The following DNAH17 variants were observed in gnomAD, a reference collection of about 807,000 sequenced individuals.
DNAH17 encodes dynein axonemal heavy chain 17.
DNAH17 carries 376 observed loss-of-function variants against 485.6 expected under a neutral mutation model. That is an observed-to-expected ratio of 0.77 (90% confidence interval 0.71 to 0.84). The LOEUF is 0.84. DNAH17 is among the 40% of genes least tolerant of loss of function. The pLI is 0.00. For synonymous variants in DNAH17, 3,031 were observed against 2,405.9 expected (o/e 1.26, Z -7.60); for missense variants, 6,370 against 5,839.3 (o/e 1.09, Z -2.96).
At position 78,526,887 on chromosome 17, in the gene DNAH17, T is replaced by C. The variant is rs1366054403; in HGVS notation, c.3617A>G (p.Gln1206Arg). Residue 1206 changes from glutamine (Q) to arginine (R), a missense_variant, in exon 23 of 81, where the codon CAA (glutamine) becomes CGA (arginine). Coordinates refer to ENST00000389840, the MANE Select transcript of DNAH17 (RefSeq NM_173628.4). ...CTGCCCCAGGTATAATACCTCGAAT[T>C]GCTGGCATTTCCGCCGCAGGATGCT... is the stretch of plus-strand genomic sequence containing the variant. ...EVSILRRKCQ[Q>R]FELKQHEFRE... 1.3e-6 allele frequency: 2 copies of C among 1,572,932 alleles called. No individual in the cohort carries two copies. The highest frequency in any genetic ancestry group is 1.7e-6 in the Non-Finnish European group (2 of 1,158,772).
Position 78,439,174 on chromosome 17 carries a change from A to G in DNAH17, c.11721T>C (p.Asn3907=). The change falls in exon 73 of 81, where the codon AAT becomes AAC. Residue 3907 remains asparagine, a synonymous_variant. Coordinates refer to ENST00000389840, the MANE Select transcript of DNAH17 (RefSeq NM_173628.4). ...GFTIDNGKLH[N]VSLGQGQEVV... ...CCTCTTGTCCCTGCCCCAGGGACAC[A>G]TTATGGAGTTTTCCATTGTCTATGG... 1.2e-6 allele frequency: 2 copies of G among 1,613,570 alleles called. No homozygotes were observed. The highest frequency in any genetic ancestry group is 1.7e-6 in the Non-Finnish European group (2 of 1,179,826).
intron 9 of DNAH17, among the ~76,000 whole-genome samples, chr17:78,567,524 G>A (rs111355015): frequency 0.011 from 1,702 of 152,194 alleles, 38 homozygotes; most frequent in African/African-American, 0.038. Context: ...TGTGGGAAGC[G>A]GTTGGAATGG....
rs144022990 is a variant in DNAH17, at chr17:78,463,902, G to A, written c.8941-825C>T. ...ATATAGTGCTGGTGGTGGGGCCAAT[G>A]CCTGTTTCTAGGAAGTCTCTGCCTT... On this transcript the variant is annotated intron_variant, in intron 56 of 80. Transcript: ENST00000389840. Among the ~76,000 whole-genome samples the A allele has an allele frequency of 6.0e-3, 911 of 152,318 alleles. 9 individuals carry two copies. Among genetic ancestry groups the A allele is most frequent in the African/African-American group, 0.019 (804 of 41,560 alleles).
intron 69 of DNAH17, among the ~76,000 whole-genome samples, chr17:78,446,415 C>T (rs1291057391): frequency 6.6e-6 from 1 of 152,022 alleles, no homozygotes; most frequent in Non-Finnish European, 1.5e-5. Context: ...AATGGAAGCA[C>T]ACGACATGCC....
chr17:78,559,719 A>G (rs2092110522), intron 13 of DNAH17, among the ~76,000 whole-genome samples: 1 of 152,152 alleles, frequency 6.6e-6, no homozygotes, highest in Non-Finnish European at 1.5e-5. Context: ...AGGGGCTGCC[A>G]TCTTGCTCAA....
At chr17:78,541,635 T>C (rs1353636804) in intron 17 of DNAH17, among the ~76,000 whole-genome samples, 2 of 151,968 alleles carry the variant, frequency 1.3e-5, no homozygotes, top group Non-Finnish European at 2.9e-5. Flanking sequence ...CTCATCACAG[T>C]TGGGGAACAG....
intron 48 of DNAH17, among the ~76,000 whole-genome samples, chr17:78,483,604 T>G (rs192910527): frequency 1.3e-5 from 2 of 151,348 alleles, no homozygotes; most frequent in East Asian, 3.9e-4. Flanking sequence ...GACTCCAGCC[T>G]GGGCAGCAAG....
chr17:78,547,829 G>A (rs186435301), intron 16 of DNAH17, among the ~76,000 whole-genome samples: 119 of 151,998 alleles, frequency 7.8e-4, no homozygotes, highest in South Asian at 1.2e-3. Context: ...TGTGGGCCAG[G>A]CTGGTCTTGA....
chr17:78,561,295 C>A (rs542217249), intron 12 of DNAH17, among the ~76,000 whole-genome samples: 6 of 151,964 alleles, frequency 3.9e-5, no homozygotes, highest in Non-Finnish European at 7.4e-5. Flanking sequence ...ATAAAAGGCC[C>A]CCCTCCTAGT....
At position 78,424,090 on chromosome 17, in the gene DNAH17, G is replaced by A. The variant is rs1271890755; in HGVS notation, c.13205C>T (p.Ala4402Val). Residue 4402 changes from alanine to valine, a missense_variant, in exon 81 of 81, where the codon GCC becomes GTC. Transcript: ENST00000389840. ...AEARLKELTPAMPVIFIKAIP... is the reference protein window; with the variant it reads ...AEARLKELTPVMPVIFIKAIP... ...GGCCTTGATGAAGATGACAGGCATG[G>A]CCGGGGTCAGCTCTTTCAGCCGCGC... 6.2e-7 allele frequency: 1 copy of A among 1,613,946 alleles called. No homozygotes were observed. Among genetic ancestry groups the A allele is most frequent in the South Asian group, 1.1e-5 (1 of 91,088 alleles).
chr17:78,536,066 G>T (rs756860491), intron 19 of DNAH17, among the ~76,000 whole-genome samples: 5 of 152,062 alleles, frequency 3.3e-5, no homozygotes, highest in Admixed American at 2.0e-4. Context: ...TGTTTGATGC[G>T]TTTAGACGAG....
In DNAH17 at chr17:78,476,654, A is replaced by T. The variant is rs751628921; in HGVS notation, c.8072T>A (p.Val2691Glu). 14 of 1,612,578 alleles carry T rather than the reference A, an allele frequency of 8.7e-6. No homozygotes were observed. The East Asian group carries it at 2.9e-4, about 33-fold the overall frequency. Residue 2691 changes from valine (V) to glutamate (E), a missense_variant, in exon 52 of 81, where the codon GTG becomes GAG. Transcript: ENST00000389840. The part of the protein sequence containing the change: ...VRLWLHETER[V>E]YGDKMVDEKD... The stretch of plus-strand genomic sequence containing the variant: ...TTCGTCAACCATTTTGTCACCATAC[A>T]CTCGTTCAGTCTCATGTAGCCAAAG...
At position 78,574,731 on chromosome 17, in the gene DNAH17, C is replaced by A. The variant is rs2092409631; in HGVS notation, c.327G>T (p.Leu109=). The part of the protein sequence containing the change: ...GDISPTPVDQ[L]IAVVEEVLSS... ...CACTCACCTCCTCCACCACCGCGAT[C>A]AGCTGGTCCACGGGTGTGGGGCTGA... Residue 109 remains leucine (L), a synonymous_variant, in exon 2 of 81, where the codon CTG becomes CTT. Transcript: ENST00000389840. 1 of 1,607,420 alleles carries A rather than the reference C, an allele frequency of 6.2e-7. No homozygotes were observed. The highest frequency in any genetic ancestry group is 2.2e-5 in the East Asian group (1 of 44,716).
At chr17:78,560,629 C>G (rs1451044989) in intron 13 of DNAH17, 111 bp downstream of exon 13, 2 of 1,203,678 alleles carry the variant, frequency 1.7e-6, no homozygotes, top group African/African-American at 1.5e-5. Flanking sequence ...AAGCTTTAGG[C>G]GAACTGTGAT....
chr17:78,551,252 T>C (rs1598710172), intron 16 of DNAH17, among the ~76,000 whole-genome samples: 1 of 152,174 alleles, frequency 6.6e-6, no homozygotes, highest in East Asian at 1.9e-4. Flanking sequence ...GGGTGAGTCT[T>C]GGCAGATCTC....
rs766575917 is a variant in DNAH17 at position 78,558,201 on chromosome 17, CTCTT to C, written c.2081_2084del (p.Lys694ArgfsTer33). ...ACAGACTCTCCGCACTGTCTGGAATCTCTTTCTGTTGCTGGAAATTCAAATACTT... is the reference window on the plus strand; with the variant it reads ...ACAGACTCTCCGCACTGTCTGGAATCTCTGTTGCTGGAAATTCAAATACTT... On this transcript the variant is annotated frameshift_variant, in exon 14 of 81. Coordinates refer to ENST00000389840, the MANE Select transcript of DNAH17 (RefSeq NM_173628.4). LOFTEE classifies it high-confidence loss of function. The C allele has an allele frequency of 6.2e-7, 1 of 1,613,834 alleles. No homozygotes were observed. The highest frequency in any genetic ancestry group is 8.5e-7 in the Non-Finnish European group (1 of 1,179,832).
chr17:78,493,223 G>A (rs1374251371), intron 41 of DNAH17: 1 of 162,254 alleles, frequency 6.2e-6, no homozygotes, highest in African/African-American at 2.4e-5. Flanking sequence ...ACACAGGTGA[G>A]TTTACACCCC....
intron 41 of DNAH17, 90 bp from the exon 42 acceptor site, chr17:78,492,855 G>GGTT: frequency 1.6e-6 from 1 of 632,782 alleles, no homozygotes; most frequent in Non-Finnish European, 2.2e-6. Context: ...GGCCTGGATG[G>GGTT]TTTTTTTTTT....
chr17:78,497,427 C>G (rs906879332), intron 37 of DNAH17, among the ~76,000 whole-genome samples: 39 of 152,174 alleles, frequency 2.6e-4, no homozygotes, highest in African/African-American at 8.7e-4. Flanking sequence ...AGGACTGGGG[C>G]CTTTCGGAAC....
Sources: allele counts gnomAD v4.1 joint callset (sites outside exome capture counted in the v4.1 genomes callset), GRCh38; gene constraint gnomAD v4.1.1; transcripts MANE v1.5; gene names NCBI Gene and HGNC (gene_info 2026-07-23, HGNC 2026-07-21).